The following SNTG2 variants were observed in gnomAD, a reference collection of about 807,000 sequenced individuals.
SNTG2 encodes gamma-2-syntrophin.
In SNTG2, 74 loss-of-function variants were observed where a neutral mutation model predicts 70.9. That is an observed-to-expected ratio of 1.04 (90% CI 0.86 to 1.27). SNTG2 has a LOEUF of 1.27. Ranked by LOEUF, SNTG2 falls within the 50% of genes most tolerant of loss-of-function variation. The pLI is 0.00. For missense variants in SNTG2, 717 were observed against 690.7 expected (o/e 1.04, Z -0.43); for synonymous variants, 278 against 273.8 (o/e 1.02, Z -0.15).
At chr2:1,138,555 G>T (rs899709007) in intron 6 of SNTG2, among the ~76,000 whole-genome samples, 1 of 151,962 alleles carries the variant, frequency 6.6e-6, no homozygotes, top group African/African-American at 2.4e-5. Flanking sequence ...GAGAGATGAG[G>T]TGGAGGGCGA....
At chr2:1,320,989 G>C (rs1681495259) in intron 16 of SNTG2, among the ~76,000 whole-genome samples, 1 of 152,112 alleles carries the variant, frequency 6.6e-6, no homozygotes, top group South Asian at 2.1e-4. Flanking sequence ...TCAGCATGAG[G>C]GTCAGCACAT....
chr2:1,304,405 C>T (rs749197129), intron 14 of SNTG2, among the ~76,000 whole-genome samples: 7 of 151,980 alleles, frequency 4.6e-5, no homozygotes, highest in Middle Eastern at 3.2e-3. Flanking sequence ...CTGTGGCATC[C>T]TGTTCTTGGT....
In SNTG2 at chr2:1,259,553, A is replaced by G. The variant is rs1027056079; in HGVS notation, c.1077+112A>G. The G allele has an allele frequency of 2.6e-5, 23 of 877,512 alleles. No individual in the cohort carries two copies. In the Admixed American group the frequency reaches 4.7e-4, roughly 18 times the overall value. 54.4% of individuals were successfully genotyped at this position (877,512 alleles called of 1,614,324 possible). Reference sequence around the variant, plus strand: ...GTCCATTGAAATAGTAAAATTTGAAATAGTAAAATAATGTGACGATCTGGA... The same window carrying G: ...GTCCATTGAAATAGTAAAATTTGAAGTAGTAAAATAATGTGACGATCTGGA... On this transcript the variant is annotated intron_variant, in intron 13 of 16. Transcript: ENST00000308624.
chr2:1,086,855 A>G (rs543721982), intron 2 of SNTG2, among the ~76,000 whole-genome samples: 1 of 152,266 alleles, frequency 6.6e-6, no homozygotes, highest in East Asian at 1.9e-4. Flanking sequence ...CCAAGATAAT[A>G]TCTAGAAATT....
At chr2:1,133,899 T>C (rs1331115750) in intron 4 of SNTG2, among the ~76,000 whole-genome samples, 1 of 150,610 alleles carries the variant, frequency 6.6e-6, no homozygotes, top group East Asian at 1.9e-4. Flanking sequence ...ACTTCAAGAA[T>C]GAAGCCGCGG....
At chr2:1,019,604 A>G (rs937108967) in intron 1 of SNTG2, among the ~76,000 whole-genome samples, 1 of 152,236 alleles carries the variant, frequency 6.6e-6, no homozygotes, top group Non-Finnish European at 1.5e-5. Context: ...TTGAAAAACT[A>G]TAATGTCACA....
chr2:978,167 TGA>T (rs1279640215), intron 1 of SNTG2, among the ~76,000 whole-genome samples: 1 of 152,136 alleles, frequency 6.6e-6, no homozygotes, highest in Non-Finnish European at 1.5e-5. Context: ...AAGGTCACAG[TGA>T]GGGGCCTGGA....
chr2:1,313,319 A>C (rs1558199466), intron 15 of SNTG2, among the ~76,000 whole-genome samples: 2 of 152,236 alleles, frequency 1.3e-5, no homozygotes, highest in African/African-American at 4.8e-5. Flanking sequence ...AGAACTAAAA[A>C]TCCGGCTTCC....
In SNTG2 at chr2:1,353,033, A is replaced by G. The variant is rs934945381; in HGVS notation, c.1489-14310A>G. On this transcript the variant is annotated intron_variant, in intron 16 of 16. Coordinates refer to ENST00000308624, the MANE Select transcript of SNTG2 (RefSeq NM_018968.4). The surrounding 1 kb of genome is among the most constrained non-coding windows in gnomAD (Gnocchi z 4.2). ...TCACCTCCCGGCTGCACAGTTGCCC[A>G]GCGTGTTCCTGTGCTGTGTCTGGCT... 2.6e-5 allele frequency among the ~76,000 whole-genome samples: 4 copies of G among 152,128 alleles called. No individual in the cohort carries two copies. The highest frequency in any genetic ancestry group is 9.7e-5 in the African/African-American group (4 of 41,418).
chr2:1,213,575 G>A (rs1674185470), intron 9 of SNTG2, among the ~76,000 whole-genome samples: 1 of 152,232 alleles, frequency 6.6e-6, no homozygotes, highest in African/African-American at 2.4e-5. Flanking sequence ...TGTGCTGGAA[G>A]CTCAGGGCTC....
intron 1 of SNTG2, among the ~76,000 whole-genome samples, chr2:1,007,057 A>G (rs11886165): frequency 0.19 from 13,009 of 69,484 alleles, 749 homozygotes; most frequent in Admixed American, 0.35. Flanking sequence ...ATAAATAAAT[A>G]AATGTGTATA....
chr2:1,000,036 G>A (rs529850131), intron 1 of SNTG2, among the ~76,000 whole-genome samples: 7 of 151,810 alleles, frequency 4.6e-5, no homozygotes, highest in African/African-American at 1.4e-4. Flanking sequence ...ATGATCGTGG[G>A]GTGAAAAATG....
At chr2:1,269,126 G>T (rs570065564) in intron 14 of SNTG2, among the ~76,000 whole-genome samples, 6 of 152,278 alleles carry the variant, frequency 3.9e-5, no homozygotes, top group South Asian at 4.1e-4. Context: ...ATTCTAGAGG[G>T]TGAAAGTTTA....
At chr2:1,262,663 G>A (rs1257149340) in intron 13 of SNTG2, among the ~76,000 whole-genome samples, 1 of 152,088 alleles carries the variant, frequency 6.6e-6, no homozygotes, top group Non-Finnish European at 1.5e-5. Flanking sequence ...TAACCGGAAG[G>A]CTCAGTCCAG....
intron 13 of SNTG2, among the ~76,000 whole-genome samples, chr2:1,261,307 TGTGA>T (rs917662280): frequency 1.3e-5 from 2 of 152,212 alleles, no homozygotes; most frequent in African/African-American, 4.8e-5. Context: ...TAAATAAATA[TGTGA>T]GTATCATAAG....
At chr2:1,057,129 GCCT>G (rs1558349809) in intron 1 of SNTG2, among the ~76,000 whole-genome samples, 7 of 152,040 alleles carry the variant, frequency 4.6e-5, no homozygotes, top group Non-Finnish European at 8.8e-5. Context: ...CAAGCAGCTG[GCCT>G]ATTTCTGCTA....
intron 4 of SNTG2, among the ~76,000 whole-genome samples, chr2:1,121,900 T>C (rs897477331): frequency 6.6e-6 from 1 of 151,842 alleles, no homozygotes; most frequent in Non-Finnish European, 1.5e-5. Flanking sequence ...AAACAGAAGT[T>C]TCAAATAAAT....
intron 1 of SNTG2, among the ~76,000 whole-genome samples, chr2:1,064,484 G>A (rs1181204790): frequency 6.6e-6 from 1 of 151,164 alleles, no homozygotes; most frequent in Non-Finnish European, 1.5e-5. Context: ...TAAAAATAAA[G>A]TACTACATTT....
intron 8 of SNTG2, among the ~76,000 whole-genome samples, chr2:1,208,285 CTGT>C (rs1673788790): frequency 1.3e-5 from 1 of 75,270 alleles, no homozygotes; most frequent in South Asian, 4.2e-4. Context: ...TGGGGCACAC[CTGT>C]GAGTGTGAGG....
Sources: allele counts gnomAD v4.1 joint callset (sites outside exome capture counted in the v4.1 genomes callset), GRCh38; gene constraint gnomAD v4.1.1; non-coding constraint Gnocchi (gnomAD v3.1); transcripts MANE v1.5; gene names NCBI Gene and HGNC (gene_info 2026-07-23, HGNC 2026-07-21).